C8orf34: variants seen among roughly 807,000 people sequenced by gnomAD.
The protein encoded by C8orf34 is chromosome 8 open reading frame 34.
In C8orf34, 65 loss-of-function variants were observed where a neutral mutation model predicts 68.3. The ratio of observed to expected loss-of-function variants is 0.95; its 90% CI spans 0.78 to 1.17. The LOEUF is 1.17. Among genes scored for constraint, C8orf34 ranks in the 50% most tolerant of loss-of-function variants. The pLI, the probability that C8orf34 is intolerant of heterozygous loss-of-function variation, is 0.00. For synonymous variants in C8orf34, 244 were observed against 241.2 expected (o/e 1.01, Z -0.11); for missense variants, 664 against 655.4 (o/e 1.01, Z -0.14).
intron 8 of C8orf34, among the ~76,000 whole-genome samples, chr8:68,691,019 C>G (rs542813978): frequency 1.3e-5 from 2 of 152,090 alleles, no homozygotes; most frequent in Admixed American, 6.6e-5. Context: ...AGAAAGGGGG[C>G]CAGGTCAGTG....
chr8:68,745,222 C>A (rs898993767), intron 10 of C8orf34, among the ~76,000 whole-genome samples: 3 of 152,044 alleles, frequency 2.0e-5, no homozygotes, highest in African/African-American at 7.2e-5. Flanking sequence ...CCTACAAGAG[C>A]TCCTGAAGGA....
intron 7 of C8orf34, among the ~76,000 whole-genome samples, chr8:68,562,197 G>A (rs1816452273): frequency 2.6e-5 from 4 of 152,170 alleles, no homozygotes; most frequent in African/African-American, 7.2e-5. Context: ...TGTCAGGACA[G>A]CTATGATGTC....
chr8:68,691,545 T>C (rs1263179884), intron 8 of C8orf34, among the ~76,000 whole-genome samples: 1 of 152,146 alleles, frequency 6.6e-6, no homozygotes, highest in Non-Finnish European at 1.5e-5. Flanking sequence ...AATATCTTTT[T>C]TCTAACTATG....
intron 1 of C8orf34, among the ~76,000 whole-genome samples, chr8:68,414,959 G>T (rs917741984): frequency 1.3e-5 from 2 of 152,110 alleles, no homozygotes; most frequent in African/African-American, 4.8e-5. Context: ...AATGGCTCCA[G>T]CTGGGCACCT....
chr8:68,501,908 CAAT>C (rs1813790676), intron 5 of C8orf34, among the ~76,000 whole-genome samples: 1 of 152,090 alleles, frequency 6.6e-6, no homozygotes, highest in Non-Finnish European at 1.5e-5. Context: ...AAAGATCAGT[CAAT>C]TTTGTTGTCA....
chr8:68,792,571 C>CAAAAAAAAAAAAAAAAAAAAAAA (rs1162293308), intron 12 of C8orf34: 1 of 42,276 alleles, frequency 2.4e-5, no homozygotes, highest in Non-Finnish European at 5.0e-5. Context: ...GACTCCATCT[C>CAAAAAAAAAAAAAAAAAAAAAAA]AAAAAAAAAA....
intron 6 of C8orf34, chr8:68,525,536 A>T: frequency 1.2e-6 from 1 of 845,164 alleles, no homozygotes; most frequent in Non-Finnish European, 1.9e-6. Flanking sequence ...GAATCCCAGG[A>T]TTTTCCCTCC....
At chr8:68,638,794 G>A (rs1818920360) in intron 7 of C8orf34, among the ~76,000 whole-genome samples, 1 of 151,998 alleles carries the variant, frequency 6.6e-6, no homozygotes, top group African/African-American at 2.4e-5. Flanking sequence ...ATATTTCATA[G>A]TCACACAAAT....
chr8:68,401,822 C>G (rs954132982), intron 1 of C8orf34, among the ~76,000 whole-genome samples: 1 of 150,666 alleles, frequency 6.6e-6, no homozygotes, highest in African/African-American at 2.4e-5. Flanking sequence ...GGACTTTTTG[C>G]GTCTATGTTC....
chr8:68,416,402 T>G (rs1809666816), intron 1 of C8orf34, among the ~76,000 whole-genome samples: 1 of 152,192 alleles, frequency 6.6e-6, no homozygotes, highest in African/African-American at 2.4e-5. Context: ...AATTCTATTT[T>G]GTTCTCATTC....
chr8:68,701,093 A>G (rs1379092047), intron 8 of C8orf34, among the ~76,000 whole-genome samples: 2 of 152,122 alleles, frequency 1.3e-5, no homozygotes, highest in East Asian at 3.9e-4. Flanking sequence ...GCAGTGAAAT[A>G]TAATATCATA....
intron 3 of C8orf34, among the ~76,000 whole-genome samples, chr8:68,449,143 GT>G (rs1474513729): frequency 3.9e-5 from 6 of 152,016 alleles, no homozygotes; most frequent in Non-Finnish European, 5.9e-5. Flanking sequence ...GCTCAACAAA[GT>G]TAGTCACATG....
intron 1 of C8orf34, 77 bp downstream of exon 1, chr8:68,331,416 TC>T: frequency 2.1e-6 from 3 of 1,411,460 alleles, no homozygotes; most frequent in Non-Finnish European, 2.9e-6. Flanking sequence ...ACACTCCCAA[TC>T]CCACCCCTCC....
At chr8:68,536,962 G>A in intron 7 of C8orf34, among the ~76,000 whole-genome samples, 1 of 152,084 alleles carries the variant, frequency 6.6e-6, no homozygotes, top group East Asian at 1.9e-4. Context: ...ACCTCAATAT[G>A]TTACCAAATT....
At chr8:68,744,175 T>C (rs1822399974) in intron 10 of C8orf34, among the ~76,000 whole-genome samples, 1 of 152,160 alleles carries the variant, frequency 6.6e-6, no homozygotes, top group African/African-American at 2.4e-5. Context: ...CTGAGGGTCC[T>C]GTCTGTTAGA....
chr8:68,511,062 G>T (rs1367827007), intron 5 of C8orf34, among the ~76,000 whole-genome samples: 1 of 152,096 alleles, frequency 6.6e-6, no homozygotes, highest in Non-Finnish European at 1.5e-5. Context: ...TCAAAGCCTT[G>T]GTAAAATAAC....
At chr8:68,614,119 C>T (rs1181874706) in intron 7 of C8orf34, among the ~76,000 whole-genome samples, 1 of 152,096 alleles carries the variant, frequency 6.6e-6, no homozygotes, top group African/African-American at 2.4e-5. Flanking sequence ...GTCCTTCGCC[C>T]ACTTTTTGAT....
intron 7 of C8orf34, among the ~76,000 whole-genome samples, chr8:68,542,156 A>T (rs576547481): frequency 1.3e-5 from 2 of 152,306 alleles, no homozygotes; most frequent in East Asian, 3.9e-4. Context: ...TTGGGCTTGT[A>T]GAAACGTACA....
intron 7 of C8orf34, among the ~76,000 whole-genome samples, chr8:68,639,901 G>T (rs561180975): frequency 1.3e-5 from 2 of 152,318 alleles, no homozygotes; most frequent in Non-Finnish European, 2.9e-5. Context: ...TGTTGATGGG[G>T]AAGCTGGAAG....
Sources: gnomAD v4.1 joint callset for allele counts (sites outside exome capture counted in the v4.1 genomes callset) on GRCh38, gnomAD v4.1.1 for gene constraint, MANE v1.5 for transcripts, NCBI Gene and HGNC (gene_info 2026-07-23, HGNC 2026-07-21) for gene names.